The following CAST variants were observed in gnomAD, a reference collection of about 807,000 sequenced individuals.
The protein encoded by CAST is MIR583 host.
Under a neutral mutation model 119.6 loss-of-function variants are expected in CAST, and 76 were observed. That is an observed-to-expected ratio of 0.64 (90% CI 0.53 to 0.77). The LOEUF is 0.77. CAST is among the 30% of genes least tolerant of loss of function. CAST has a pLI of 0.00. For missense variants in CAST, 953 were observed against 946.5 expected (o/e 1.01, Z -0.09); for synonymous variants, 319 against 331.6 (o/e 0.96, Z 0.41).
chr5:96,001,748 T>G, the CAST span, among the ~76,000 whole-genome samples: 3 of 152,256 alleles, frequency 2.0e-5, no homozygotes, highest in African/African-American at 7.2e-5. Context: ...ATTAACTTCA[T>G]GCCCCCTACT....
the CAST span, among the ~76,000 whole-genome samples, chr5:96,248,566 A>G: frequency 1.3e-5 from 2 of 152,242 alleles, no homozygotes; most frequent in East Asian, 1.9e-4. Context: ...AACTAAAACC[A>G]GATAGAAATG....
At chr5:95,990,219 G>C in the CAST span, among the ~76,000 whole-genome samples, 1 of 152,012 alleles carries the variant, frequency 6.6e-6, no homozygotes, top group African/African-American at 2.4e-5. Context: ...CAGCAAAAAT[G>C]ACCAAAATAT....
In CAST at chr5:96,752,961, T is replaced by TACACAC. The variant is rs112835890; in HGVS notation, c.1525-1074_1525-1069dup. Among the ~76,000 whole-genome samples, 1,333 of 143,354 alleles carry TACACAC rather than the reference T, an allele frequency of 9.3e-3. 10 individuals carry two copies. The highest frequency in any genetic ancestry group is 0.024 in the African/African-American group (918 of 38,596). 94.0% of individuals were successfully genotyped at this position (143,354 alleles called of 152,430 possible). ...TCCCTTCTATGTATGATGCATTTTA[T>TACACAC]ACACACACACACACACACACACACA... On this transcript the variant is annotated intron_variant, in intron 20 of 31. Transcript: ENST00000675179.
the CAST span, among the ~76,000 whole-genome samples, chr5:96,469,889 T>TACAC: frequency 6.9e-6 from 1 of 145,172 alleles, no homozygotes; most frequent in African/African-American, 2.5e-5. Flanking sequence ...AATATATATA[T>TACAC]ACACACACAT....
the CAST span, among the ~76,000 whole-genome samples, chr5:95,971,833 C>T: frequency 6.6e-5 from 10 of 152,118 alleles, no homozygotes; most frequent in Admixed American, 3.9e-4. Context: ...GGGTCCTTCA[C>T]GGTTTAGCTG....
chr5:96,066,081 C>T, the CAST span, among the ~76,000 whole-genome samples: 1 of 152,134 alleles, frequency 6.6e-6, no homozygotes, highest in Non-Finnish European at 1.5e-5. Flanking sequence ...CTAGTGCAGG[C>T]AGGTTAATGA....
chr5:96,504,215 C>T, the CAST span, among the ~76,000 whole-genome samples: 1 of 152,190 alleles, frequency 6.6e-6, no homozygotes, highest in South Asian at 2.1e-4. Flanking sequence ...TCACTCTCCA[C>T]CCTCTCCCCA....
the CAST span, among the ~76,000 whole-genome samples, chr5:96,117,577 T>C: frequency 6.6e-6 from 1 of 152,214 alleles, no homozygotes; most frequent in African/African-American, 2.4e-5. Flanking sequence ...TTATGGTAGA[T>C]ATGAACTTCA....
the CAST span, among the ~76,000 whole-genome samples, chr5:96,454,885 C>T: frequency 6.6e-6 from 1 of 152,120 alleles, no homozygotes; most frequent in South Asian, 2.1e-4. Flanking sequence ...ATCTCTTTTG[C>T]CAATAAAATG....
At chr5:96,767,195 T>G (rs1388816519) in intron 27 of CAST, among the ~76,000 whole-genome samples, 1 of 152,240 alleles carries the variant, frequency 6.6e-6, no homozygotes, top group Non-Finnish European at 1.5e-5. Context: ...AAATAGTGTT[T>G]CTTTCACTTC....
chr5:96,042,081 A>G, the CAST span, among the ~76,000 whole-genome samples: 15 of 152,202 alleles, frequency 9.9e-5, no homozygotes, highest in East Asian at 2.9e-3. Flanking sequence ...GCTTCCTCTT[A>G]TTTTACCATC....
chr5:96,385,451 T>G, the CAST span, among the ~76,000 whole-genome samples: 1 of 152,202 alleles, frequency 6.6e-6, no homozygotes, highest in Non-Finnish European at 1.5e-5. Context: ...GTTTTAAAAT[T>G]GCGGCTTAAC....
At chr5:96,660,756 A>T (rs562488525), upstream of CAST, among the ~76,000 whole-genome samples, 2 of 152,298 alleles carry the variant, frequency 1.3e-5, no homozygotes, top group East Asian at 3.9e-4. Flanking sequence ...GGTCACAATC[A>T]TAAGAAGATC....
the CAST span, among the ~76,000 whole-genome samples, chr5:96,046,233 C>T: frequency 2.6e-5 from 4 of 151,948 alleles, no homozygotes; most frequent in African/African-American, 9.7e-5. Flanking sequence ...AGGATATACA[C>T]ACATCCAATA....
intron 1 of CAST, among the ~76,000 whole-genome samples, chr5:96,606,210 A>G (rs373594014): frequency 6.6e-6 from 1 of 152,142 alleles, no homozygotes; most frequent in East Asian, 1.9e-4. Context: ...GGGCCCAGGC[A>G]TCAGCCAATG....
At chr5:96,564,256 T>C (rs991404836) in intron 1 of CAST, among the ~76,000 whole-genome samples, 11 of 152,238 alleles carry the variant, frequency 7.2e-5, no homozygotes, top group Admixed American at 2.0e-4. Flanking sequence ...AGAGAACTTA[T>C]GTTCAGTACC....
chr5:96,199,056 A>G, the CAST span, among the ~76,000 whole-genome samples: 15 of 152,260 alleles, frequency 9.9e-5, 1 homozygote, highest in African/African-American at 3.4e-4. Context: ...GTTTTCTATA[A>G]TCTCTTTGAT....
chr5:96,445,281 G>GGTACACACACCATGGTGGTGT, the CAST span, among the ~76,000 whole-genome samples: 69 of 152,214 alleles, frequency 4.5e-4, no homozygotes, highest in Non-Finnish European at 7.5e-4. Context: ...TTGCTTCTGA[G>GGTACACACACCATGGTGGTGT]GTACACACAC....
the CAST span, among the ~76,000 whole-genome samples, chr5:96,398,519 G>A: frequency 3.0e-4 from 46 of 152,048 alleles, no homozygotes; most frequent in African/African-American, 4.1e-4. Flanking sequence ...TGTATGTTTC[G>A]GATATATCTG....
Sources: gnomAD v4.1 joint callset for allele counts (sites outside exome capture counted in the v4.1 genomes callset) on GRCh38, gnomAD v4.1.1 for gene constraint, MANE v1.5 for transcripts, NCBI Gene and HGNC (gene_info 2026-07-23, HGNC 2026-07-21) for gene names.